Variants in SMARCC1 observed in about 807,000 individuals in gnomAD.
The protein encoded by SMARCC1 is SWI/SNF complex subunit SMARCC1.
A neutral mutation model predicts 147.4 loss-of-function variants in SMARCC1; 43 were observed. That is an observed-to-expected ratio of 0.29 (90% CI 0.23 to 0.38). SMARCC1 has a LOEUF of 0.38. Ranked by LOEUF, SMARCC1 falls within the 10% of genes least tolerant of loss-of-function variation. The pLI, the probability that SMARCC1 is intolerant of heterozygous loss-of-function variation, is 1.00. For missense variants in SMARCC1, 1,119 were observed against 1,381.1 expected (o/e 0.81, Z 3.01); for synonymous variants, 495 against 484.4 (o/e 1.02, Z -0.29).
chr3:47,678,049 G>A (rs1046971597), intron 16 of SMARCC1, 149 bp downstream of exon 16: 1 of 416,446 alleles, frequency 2.4e-6, no homozygotes, highest in Non-Finnish European at 4.4e-6. Context: ...GAAATGAAAG[G>A]AAACAAAATA....
At chr3:47,680,119 G>A (rs1268329456) in intron 15 of SMARCC1, 2 of 235,040 alleles carry the variant, frequency 8.5e-6, no homozygotes, top group East Asian at 2.6e-4. Context: ...TACTTCAAGA[G>A]GCAGAGATGG....
At chr3:47,673,283 G>C (rs2033525240) in intron 18 of SMARCC1, among the ~76,000 whole-genome samples, 2 of 151,632 alleles carry the variant, frequency 1.3e-5, no homozygotes, top group Admixed American at 6.6e-5. Context: ...CCACCACTTT[G>C]GGAGGCTGAG....
At chr3:47,762,061 C>T (rs2034780238) in intron 2 of SMARCC1, among the ~76,000 whole-genome samples, 1 of 152,132 alleles carries the variant, frequency 6.6e-6, no homozygotes. Flanking sequence ...GGATTACAGG[C>T]GTGAGCTACC....
At position 47,678,293 on chromosome 3, in the gene SMARCC1, A is replaced by G; in HGVS notation, c.1476T>C (p.Asn492=). 1 of 1,588,328 alleles carries G rather than the reference A, an allele frequency of 6.3e-7. No homozygotes were observed. Among genetic ancestry groups the G allele is most frequent in the Non-Finnish European group, 8.6e-7 (1 of 1,166,476 alleles). ...KTPEIYLAYR[N]FMIDTYRLNP... The stretch of plus-strand genomic sequence containing the variant: ...TTAGACGATACGTGTCAATCATAAA[A>G]TTTCGATATGCCAAGTATCTAAAAA... The change falls in exon 16 of 28, where the codon AAT becomes AAC. Residue 492 remains asparagine, a synonymous_variant. Coordinates refer to ENST00000254480, the MANE Select transcript of SMARCC1 (RefSeq NM_003074.4).
intron 5 of SMARCC1, among the ~76,000 whole-genome samples, chr3:47,734,009 A>G (rs747449285): frequency 6.6e-6 from 1 of 152,024 alleles, no homozygotes; most frequent in Non-Finnish European, 1.5e-5. Context: ...ATATCTACAT[A>G]TATGTATACA....
chr3:47,593,805 G>A (rs2032224553), intron 26 of SMARCC1, among the ~76,000 whole-genome samples: 1 of 152,108 alleles, frequency 6.6e-6, no homozygotes, highest in African/African-American at 2.4e-5. Context: ...CTTGATCTAA[G>A]AACCTGAGAG....
At chr3:47,627,310 T>A (rs560768543) in intron 24 of SMARCC1, among the ~76,000 whole-genome samples, 1 of 151,908 alleles carries the variant, frequency 6.6e-6, no homozygotes, top group South Asian at 2.1e-4. Context: ...GGAAACACCA[T>A]CATCTCTAGT....
At chr3:47,749,612 AGC>A (rs2034603427) in intron 2 of SMARCC1, among the ~76,000 whole-genome samples, 1 of 143,100 alleles carries the variant, frequency 7.0e-6, no homozygotes, top group Non-Finnish European at 1.6e-5. Flanking sequence ...GGCTACAGTG[AGC>A]TGTGACCACA....
rs527318927 is a variant in SMARCC1 at position 47,767,115 on chromosome 3, G to A, written c.315+5702C>T. On this transcript the variant is annotated intron_variant, in intron 2 of 27. Coordinates refer to ENST00000254480, the MANE Select transcript of SMARCC1 (RefSeq NM_003074.4). ...GGAGAATCGCCTGAACCCAGGAGGC[G>A]GAAGTTGCAGTGAGCCGAGATCACA... 4.2e-5 allele frequency among the ~76,000 whole-genome samples: 6 copies of A among 144,036 alleles called. No homozygotes were observed. In the East Asian group the frequency reaches 6.5e-4, roughly 16 times the overall value. The allele number at this position is 144,036 out of a possible 152,430, so 94.5% of individuals were successfully genotyped here.
intron 9 of SMARCC1, among the ~76,000 whole-genome samples, chr3:47,708,083 C>CTTTTTTTCTTTTTTTTTTTTTTTTT (rs1559650534): frequency 1.6e-5 from 1 of 64,270 alleles, no homozygotes; most frequent in Non-Finnish European, 2.7e-5. Context: ...AATTTTTTTT[C>CTTTTTTTCTTTTTTTTTTTTTTTTT]TTTTTTTTTT....
intron 19 of SMARCC1, among the ~76,000 whole-genome samples, chr3:47,670,063 G>A (rs773796183): frequency 4.6e-5 from 7 of 152,138 alleles, no homozygotes; most frequent in Non-Finnish European, 1.0e-4. Context: ...ATTTCTAATT[G>A]TCACACATTC....
intron 9 of SMARCC1, among the ~76,000 whole-genome samples, chr3:47,709,640 C>T (rs893834405): frequency 1.3e-5 from 2 of 151,854 alleles, no homozygotes; most frequent in African/African-American, 2.4e-5. Flanking sequence ...GAGCCGAGAT[C>T]GCGCCACTGC....
At chr3:47,714,323 A>T in intron 8 of SMARCC1, 92 bp downstream of exon 8, 1 of 743,384 alleles carries the variant, frequency 1.3e-6, no homozygotes, top group Non-Finnish European at 2.4e-6. Flanking sequence ...AGATCGCACC[A>T]CTCCACTCTA....
intron 10 of SMARCC1, among the ~76,000 whole-genome samples, 192 bp downstream of exon 10, chr3:47,706,217 G>A (rs1427573121): frequency 2.6e-5 from 4 of 151,722 alleles, no homozygotes; most frequent in South Asian, 2.1e-4. Context: ...GATGACAGGC[G>A]TGCACCACCG....
intron 6 of SMARCC1, among the ~76,000 whole-genome samples, chr3:47,722,992 G>A (rs1043318174): frequency 6.6e-5 from 10 of 152,202 alleles, no homozygotes; most frequent in Admixed American, 6.5e-4. Flanking sequence ...CTGGGGTACA[G>A]AGGTTGTCTC....
chr3:47,591,320 G>A (rs1005531959), intron 26 of SMARCC1, among the ~76,000 whole-genome samples: 1 of 151,376 alleles, frequency 6.6e-6, no homozygotes, highest in African/African-American at 2.4e-5. Context: ...TTATTACTGT[G>A]AAATCACCAT....
intron 21 of SMARCC1, among the ~76,000 whole-genome samples, chr3:47,660,124 A>G (rs1004221751): frequency 6.6e-6 from 1 of 152,158 alleles, no homozygotes; most frequent in Non-Finnish European, 1.5e-5. Context: ...ATAAGTACTC[A>G]TAGCAGCATT....
At chr3:47,685,666 T>C (rs1228682177) in intron 14 of SMARCC1, among the ~76,000 whole-genome samples, 1 of 151,772 alleles carries the variant, frequency 6.6e-6, no homozygotes, top group Non-Finnish European at 1.5e-5. Flanking sequence ...AAAACCACCC[T>C]GGCCAAGATG....
At chr3:47,740,171 C>T (rs557855037) in intron 3 of SMARCC1, among the ~76,000 whole-genome samples, 4 of 142,326 alleles carry the variant, frequency 2.8e-5, no homozygotes, top group African/African-American at 7.8e-5. Context: ...CCACCACGCC[C>T]GGCCATCTTT....
Sources: gnomAD v4.1 joint callset for allele counts (sites outside exome capture counted in the v4.1 genomes callset) on GRCh38, gnomAD v4.1.1 for gene constraint, MANE v1.5 for transcripts, NCBI Gene and HGNC (gene_info 2026-07-23, HGNC 2026-07-21) for gene names.